FLT4: variants seen among roughly 807,000 people sequenced by gnomAD.
FLT4 encodes vascular endothelial growth factor receptor 3.
In FLT4, 30 loss-of-function variants were observed where a neutral mutation model predicts 163.2. That is an observed-to-expected ratio of 0.18 (90% CI 0.14 to 0.25). FLT4 has a LOEUF of 0.25. FLT4 is among the 10% of genes least tolerant of loss of function. The pLI is 1.00. For synonymous variants in FLT4, 884 were observed against 789.5 expected (o/e 1.12, Z -2.01); for missense variants, 1,510 against 1,863.8 (o/e 0.81, Z 3.50).
intron 1 of FLT4, among the ~76,000 whole-genome samples, chr5:180,638,255 C>T (rs561140890): frequency 1.3e-5 from 2 of 152,320 alleles, no homozygotes; most frequent in South Asian, 2.1e-4. Context: ...ACAGACAACC[C>T]GCAGTCTACG....
rs1421697987 is a variant in FLT4 at position 180,618,876 on chromosome 5, C to G, written c.2895G>C (p.Glu965Asp). The G allele has an allele frequency of 6.3e-7, 1 of 1,587,948 alleles. No homozygotes were observed. Among genetic ancestry groups the G allele is most frequent in the Non-Finnish European group, 8.6e-7 (1 of 1,167,874 alleles). The change falls in exon 21 of 30, where the codon GAG becomes GAC. Residue 965 changes from glutamate to aspartate, a missense_variant. Physicochemically the swap from Glu to Asp is conservative, Grantham distance 45. Around this residue, in one of 5 missense-constraint regions of FLT4, gnomAD observed 878 missense variants for 1,016.7 expected, o/e 0.86. Coordinates refer to ENST00000261937, the MANE Select transcript of FLT4 (RefSeq NM_182925.5). Reference protein sequence around the residue: ...EQRGRFRAMVELARLDRRRPG... With the variant: ...EQRGRFRAMVDLARLDRRRPG... ...GCCGCCTCCGATCCAGCCTGGCGAGCTCCACCATGGCGCGGAAGCGTCCGC... is the reference window on the plus strand; with the variant it reads ...GCCGCCTCCGATCCAGCCTGGCGAGGTCCACCATGGCGCGGAAGCGTCCGC...
chr5:180,603,221 C>T lies in FLT4; in HGVS notation c.4063G>A (p.Val1355Met), dbSNP rs143739828. The change falls in exon 30 of 30, where the codon GTG becomes ATG. Residue 1355 changes from valine to methionine, a missense_variant. By Grantham distance (21) the Val-to-Met change is conservative. This residue lies in a region of FLT4 where 295 missense variants were observed against 311.0 expected (regional missense o/e 0.95). Transcript: ENST00000261937. ...TAGCTGTTGTCTGTGAAGAAAGTCACGCGGGCAGACGGGGAGCAGTGGTCC... is the reference window on the plus strand; with the variant it reads ...TAGCTGTTGTCTGTGAAGAAAGTCATGCGGGCAGACGGGGAGCAGTGGTCC... ...EEDHCSPSAR[V>M]TFFTDNSY 1,451 of 1,614,070 alleles carry T rather than the reference C, an allele frequency of 9.0e-4. 4 individuals carry two copies. The Middle Eastern group carries it at 0.012, about 14-fold the overall frequency.
intron 22 of FLT4, 82 bp downstream of exon 22, chr5:180,616,818 G>A (rs1181362221): frequency 1.8e-5 from 19 of 1,069,456 alleles, no homozygotes; most frequent in Non-Finnish European, 2.5e-5. Flanking sequence ...CCATTGCAGG[G>A]TGAGGCCAGT....
At chr5:180,638,697 T>C (rs72818989) in intron 1 of FLT4, among the ~76,000 whole-genome samples, 71,109 of 152,030 alleles carry the variant, frequency 0.47, 17,349 homozygotes, top group Admixed American at 0.57. Flanking sequence ...CTCCAGATTG[T>C]TCTGTGCCCC....
chr5:180,634,429 G>A (rs371102714), intron 1 of FLT4, among the ~76,000 whole-genome samples: 11 of 152,276 alleles, frequency 7.2e-5, no homozygotes, highest in South Asian at 6.2e-4. Flanking sequence ...TGGGCCAGGC[G>A]TGGTGGCTCA....
chr5:180,649,735 C>G (rs1765656392), upstream of FLT4: 1 of 178,838 alleles, frequency 5.6e-6, no homozygotes, highest in African/African-American at 2.4e-5. Flanking sequence ...CCGGTGCACC[C>G]GAGCAGTGCG....
At chr5:180,613,884 T>G in intron 24 of FLT4, 184 bp downstream of exon 24, 2 of 669,498 alleles carry the variant, frequency 3.0e-6, no homozygotes, top group Non-Finnish European at 5.5e-6. Flanking sequence ...GGCAAAGTCC[T>G]CTCGGAGGCT....
chr5:180,611,021 C>A (rs1762141764), intron 27 of FLT4, among the ~76,000 whole-genome samples: 1 of 152,204 alleles, frequency 6.6e-6, no homozygotes, highest in Admixed American at 6.5e-5. Context: ...CGCGCCACTG[C>A]ACTCCAGCCT....
chr5:180,622,893 G>A (rs1763264509), intron 11 of FLT4, 54 bp from the exon 12 acceptor site: 1 of 1,264,254 alleles, frequency 7.9e-7, no homozygotes, highest in African/African-American at 1.5e-5. Context: ...TCCCAACCTG[G>A]GCCCTGTCTT....
chr5:180,629,638 C>A, intron 6 of FLT4, 58 bp downstream of exon 6: 1 of 1,580,784 alleles, frequency 6.3e-7, no homozygotes, highest in Non-Finnish European at 8.6e-7. Flanking sequence ...CCAGTGTGTG[C>A]TGTACAGTCA....
At position 180,636,552 on chromosome 5, in the gene FLT4, C is replaced by T. The variant is rs1470845982; in HGVS notation, c.59-4774G>A. ...CTGACCGTAGCTCCTGGCTCACCATCCCCCCCACCCCAGCTCCTGCCCTTC... is the reference window on the plus strand; with the variant it reads ...CTGACCGTAGCTCCTGGCTCACCATTCCCCCCACCCCAGCTCCTGCCCTTC... On this transcript the variant is annotated intron_variant, in intron 1 of 29. Transcript: ENST00000261937. This position sits in a 1 kb window ranked among gnomAD's most constrained non-coding sequence, Gnocchi z 4.3. Among the ~76,000 whole-genome samples, 1 of 142,570 alleles carries T rather than the reference C, an allele frequency of 7.0e-6. No individual in the cohort carries two copies. Among genetic ancestry groups the T allele is most frequent in the South Asian group, 2.5e-4 (1 of 3,946 alleles). The allele number at this position is 142,570 out of a possible 152,430, so 93.5% of individuals were successfully genotyped here.
chr5:180,649,190 C>A (rs865957671), intron 1 of FLT4, among the ~76,000 whole-genome samples: 31 of 151,988 alleles, frequency 2.0e-4, no homozygotes, highest in African/African-American at 7.5e-4. Flanking sequence ...CAGGGCCCGG[C>A]TCCGAGGACG....
At chr5:180,643,888 C>G (rs1378284835) in intron 1 of FLT4, among the ~76,000 whole-genome samples, 1 of 151,656 alleles carries the variant, frequency 6.6e-6, no homozygotes, top group African/African-American at 2.4e-5. Context: ...GTGGCACGGT[C>G]TCGGCTCACC....
chr5:180,641,393 C>T (rs1765085646), intron 1 of FLT4, among the ~76,000 whole-genome samples: 1 of 152,262 alleles, frequency 6.6e-6, no homozygotes, highest in Non-Finnish European at 1.5e-5. Flanking sequence ...CCACCCTGGG[C>T]CTGGCCCTAC....
At chr5:180,626,351 GGA>G in intron 8 of FLT4, 86 bp from the exon 9 acceptor site, 5 of 1,465,502 alleles carry the variant, frequency 3.4e-6, no homozygotes, top group Non-Finnish European at 4.7e-6. Context: ...AATACAGTTG[GGA>G]GGAGGGAGGG....
At chr5:180,647,775 C>T (rs1375619554) in intron 1 of FLT4, among the ~76,000 whole-genome samples, 1 of 152,116 alleles carries the variant, frequency 6.6e-6, no homozygotes, top group African/African-American at 2.4e-5. Flanking sequence ...CCAGGACACC[C>T]CTCTCCATGG....
chr5:180,621,262 G>A lies in FLT4; in HGVS notation c.2021-10C>T. 1.9e-6 allele frequency: 3 copies of A among 1,610,540 alleles called. No homozygotes were observed. The highest frequency in any genetic ancestry group is 2.5e-6 in the Non-Finnish European group (3 of 1,178,248). On this transcript the variant is annotated splice_polypyrimidine_tract_variant and intron_variant, in intron 13 of 29. Transcript: ENST00000261937. ...CGAGGGGCTTCCAGGGCTGGGGGCA[G>A]GGGTCGAGAGGGAGCTAAGTGGAGC...
At position 180,623,531 on chromosome 5, in the gene FLT4, A is replaced by C. The variant is rs1342828446; in HGVS notation, c.1548+404T>G. 6.7e-6 allele frequency among the ~76,000 whole-genome samples: 1 copy of C among 148,606 alleles called. No homozygotes were observed. Among genetic ancestry groups the C allele is most frequent in the African/African-American group, 2.5e-5 (1 of 40,114 alleles). ...TAGGAAAACAGGAAGTGACTGGAGG[A>C]AGTAGGTGCCTTTGTTCAGTACCCC... On this transcript the variant is annotated intron_variant, in intron 11 of 29. Coordinates refer to ENST00000261937, the MANE Select transcript of FLT4 (RefSeq NM_182925.5). This position sits in a 1 kb window ranked among gnomAD's most constrained non-coding sequence, Gnocchi z 5.8.
intron 12 of FLT4, 85 bp downstream of exon 12, chr5:180,622,646 C>CA: frequency 1.2e-6 from 1 of 824,006 alleles, no homozygotes; most frequent in Non-Finnish European, 2.1e-6. Flanking sequence ...CTGGGTGTCC[C>CA]AAAGACCCCA....
Sources: gnomAD v4.1 joint callset for allele counts (sites outside exome capture counted in the v4.1 genomes callset) on GRCh38, gnomAD v4.1.1 for gene constraint, gnomAD v4.1.1 regional missense constraint, Gnocchi (gnomAD v3.1) non-coding constraint, MANE v1.5 for transcripts, NCBI Gene and HGNC (gene_info 2026-07-23, HGNC 2026-07-21) for gene names.